The following LRGUK variants were observed in gnomAD, a reference collection of about 807,000 sequenced individuals.
LRGUK encodes leucine-rich repeat and guanylate kinase domain-containing protein.
A neutral mutation model predicts 76.0 loss-of-function variants in LRGUK; 65 were observed. The ratio of observed to expected loss-of-function variants is 0.85; its 90% confidence interval spans 0.70 to 1.05. The LOEUF is 1.05. LRGUK is among the 50% of genes least tolerant of loss of function. LRGUK has a pLI of 0.00. For missense variants in LRGUK, 758 were observed against 732.8 expected, an observed-to-expected ratio of 1.03 and a Z score of -0.40; for synonymous variants, 268 against 265.6, an observed-to-expected ratio of 1.01 and a Z score of -0.09.
chr7:134,127,770 T>G (rs565501065), intron 1 of LRGUK, 106 bp downstream of exon 1: 3 of 1,266,648 alleles, frequency 2.4e-6, no homozygotes, highest in Non-Finnish European at 3.2e-6. Flanking sequence ...TTCCCACACC[T>G]TCTCAGGCTC....
intron 5 of LRGUK, among the ~76,000 whole-genome samples, chr7:134,155,899 T>C (rs1561112): frequency 0.39 from 59,291 of 151,878 alleles, 11,917 homozygotes; most frequent in Middle Eastern, 0.48. Context: ...AAATTGTTTG[T>C]TTCTCTGATT....
chr7:134,267,704 G>A (rs1802880295), downstream of LRGUK, among the ~76,000 whole-genome samples: 1 of 152,142 alleles, frequency 6.6e-6, no homozygotes, highest in African/African-American at 2.4e-5. Context: ...ATGTGGAGTT[G>A]TGAGTCCATT....
chr7:134,199,135 T>C, intron 13 of LRGUK, 85 bp from the exon 14 acceptor site: 1 of 1,008,526 alleles, frequency 9.9e-7, no homozygotes, highest in Non-Finnish European at 1.5e-6. Context: ...ATACTACTTC[T>C]TATACCCATG....
At chr7:134,245,343 G>A (rs1271766799) in intron 16 of LRGUK, among the ~76,000 whole-genome samples, 1 of 152,146 alleles carries the variant, frequency 6.6e-6, no homozygotes, top group Non-Finnish European at 1.5e-5. Context: ...TTTTTCAGCT[G>A]TCTTGGCATT....
intron 2 of LRGUK, among the ~76,000 whole-genome samples, chr7:134,138,582 T>A (rs1308755154): frequency 1.3e-5 from 2 of 152,316 alleles, no homozygotes; most frequent in African/African-American, 4.8e-5. Flanking sequence ...TAGTAAATAT[T>A]CAGTAAGTGT....
chr7:134,146,646 G>C (rs1797981634), intron 4 of LRGUK, among the ~76,000 whole-genome samples: 1 of 152,054 alleles, frequency 6.6e-6, no homozygotes, highest in Non-Finnish European at 1.5e-5. Context: ...AAGTAGTCCT[G>C]TTGCTTGCTG....
intron 6 of LRGUK, among the ~76,000 whole-genome samples, chr7:134,159,061 T>C (rs1209115678): frequency 2.0e-5 from 3 of 152,130 alleles, no homozygotes; most frequent in Non-Finnish European, 4.4e-5. Context: ...TCTTGGGCCA[T>C]GCACTGCAAC....
At chr7:134,255,821 G>C (rs565331241) in intron 18 of LRGUK, among the ~76,000 whole-genome samples, 1 of 152,080 alleles carries the variant, frequency 6.6e-6, no homozygotes, top group African/African-American at 2.4e-5. Flanking sequence ...GTGTGCATGG[G>C]GGATGAGGGG....
At chr7:134,140,890 C>G (rs1016106999) in intron 3 of LRGUK, among the ~76,000 whole-genome samples, 1 of 152,168 alleles carries the variant, frequency 6.6e-6, no homozygotes, top group African/African-American at 2.4e-5. Context: ...ATCAGCCCAT[C>G]TATATACCTC....
intron 5 of LRGUK, among the ~76,000 whole-genome samples, chr7:134,150,332 C>T (rs11973675): frequency 0.13 from 19,669 of 151,360 alleles, 1,616 homozygotes; most frequent in East Asian, 0.32. Context: ...CCTGATGGCA[C>T]GTGCCTGTAG....
Position 134,258,464 on chromosome 7 carries a change from G to T in LRGUK, c.2347+59G>T, listed in dbSNP as rs537511906. ...TGTAATCCCAGCACTTTGGGAGGCC[G>T]AGGCGAATGGATCTCCTGACGTCAG... On this transcript the variant is annotated intron_variant, in intron 19 of 19. Transcript: ENST00000285928. The T allele has an allele frequency of 2.1e-5, 31 of 1,478,060 alleles. No individual in the cohort carries two copies. The African/African-American group carries it at 3.8e-4, about 18-fold the overall frequency. 91.6% of individuals were successfully genotyped at this position (1,478,060 alleles called of 1,614,324 possible). A position where few individuals can be genotyped will look rare whatever the true frequency, so the allele number is the denominator to read the frequency against.
chr7:134,153,905 A>T (rs777802667), intron 5 of LRGUK, among the ~76,000 whole-genome samples: 1 of 152,184 alleles, frequency 6.6e-6, no homozygotes, highest in Non-Finnish European at 1.5e-5. Context: ...TGTTTGCTAT[A>T]CACTTGAACC....
intron 1 of LRGUK, among the ~76,000 whole-genome samples, chr7:134,130,762 T>C (rs1797267718): frequency 6.6e-6 from 1 of 152,170 alleles, no homozygotes; most frequent in Non-Finnish European, 1.5e-5. Flanking sequence ...CCTTATGAAG[T>C]GAGGGAGGCA....
At chr7:134,209,590 G>C in exon 16 of LRGUK, 1 of 398,940 alleles carries the variant, frequency 2.5e-6, no homozygotes, top group Non-Finnish European at 4.4e-6. Flanking sequence ...TCCAGAGCAG[G>C]AGGCCCACAC....
At chr7:134,138,841 A>C (rs2116829743) in intron 2 of LRGUK, among the ~76,000 whole-genome samples, 1 of 152,344 alleles carries the variant, frequency 6.6e-6, no homozygotes, top group Non-Finnish European at 1.5e-5. Context: ...CTGCTTCTCT[A>C]TAACTAACTT....
At chr7:134,225,140 A>AAAAAAAAAAAAAAAAAAAAAG (rs1563191294) in intron 16 of LRGUK, among the ~76,000 whole-genome samples, 1 of 151,058 alleles carries the variant, frequency 6.6e-6, no homozygotes, top group African/African-American at 2.4e-5. Flanking sequence ...AAAAAAAAAA[A>AAAAAAAAAAAAAAAAAAAAAG]AAAAAAAAAC....
intron 13 of LRGUK, 47 bp downstream of exon 13, chr7:134,197,152 G>C (rs1279055794): frequency 9.2e-7 from 1 of 1,085,766 alleles, no homozygotes; most frequent in Non-Finnish European, 1.4e-6. Flanking sequence ...GTTTGTGTGA[G>C]TGTGGTGTGT....
At chr7:134,139,436 G>GGTT (rs1563138005) in exon 3 of LRGUK, 1 of 1,598,840 alleles carries the variant, frequency 6.3e-7, no homozygotes, top group Middle Eastern at 1.7e-4. Flanking sequence ...GTTTTCTCAG[G>GGTT]GTTGTAATTT....
intron 15 of LRGUK, among the ~76,000 whole-genome samples, chr7:134,207,962 C>A (rs1801076737): frequency 6.6e-6 from 1 of 152,166 alleles, no homozygotes; most frequent in Admixed American, 6.5e-5. Flanking sequence ...TGAGAACTTG[C>A]CATCAACACC....
Sources: gnomAD v4.1 joint callset for allele counts (sites outside exome capture counted in the v4.1 genomes callset) on GRCh38, gnomAD v4.1.1 for gene constraint, MANE v1.5 for transcripts, NCBI Gene and HGNC (gene_info 2026-07-23, HGNC 2026-07-21) for gene names.